LRRC49: variants seen among roughly 807,000 people sequenced by gnomAD.
LRRC49 encodes leucine rich repeat containing 49, also known as leucine-rich repeat-containing protein 49.
A neutral mutation model predicts 83.3 loss-of-function variants in LRRC49; 50 were observed. The observed-to-expected ratio is 0.60, with a 90% CI of 0.48 to 0.76. The LOEUF (loss-of-function observed/expected upper bound fraction) is 0.76, where lower values mean the gene tolerates loss of function less well. Among genes scored for constraint, LRRC49 ranks in the 30% least tolerant of loss-of-function variants. The pLI, the probability that LRRC49 is intolerant of heterozygous loss-of-function variation, is 0.00. For missense variants in LRRC49, 704 were observed against 809.1 expected, an observed-to-expected ratio of 0.87 and a Z score of 1.58; for synonymous variants, 286 against 283.3, an observed-to-expected ratio of 1.01 and a Z score of -0.10.
At chr15:70,861,227 G>A (rs1048851660) in intron 1 of LRRC49, among the ~76,000 whole-genome samples, 1 of 152,022 alleles carries the variant, frequency 6.6e-6, no homozygotes, top group Non-Finnish European at 1.5e-5. Flanking sequence ...GAAGTACCTA[G>A]TTCAGGGCCT....
intron 8 of LRRC49, among the ~76,000 whole-genome samples, chr15:70,937,791 CTCTT>C (rs2035652846): frequency 6.6e-6 from 1 of 152,112 alleles, no homozygotes; most frequent in African/African-American, 2.4e-5. Context: ...GAAGAAAATA[CTCTT>C]TCTCTTTTTT....
rs185061956 is a variant in LRRC49, at chr15:70,907,020, A to G, written c.500+2265A>G. On this transcript the variant is annotated intron_variant, in intron 5 of 15. Coordinates refer to ENST00000260382, the MANE Select transcript of LRRC49 (RefSeq NM_017691.5). ...TCAGTGAAATGCAAGTCTGAGCCCT[A>G]AAACAAATGCCAAGTGGCCTCCAGC... Among the ~76,000 whole-genome samples the G allele has an allele frequency of 1.3e-3, 193 of 152,360 alleles. 3 individuals carry two copies. Among genetic ancestry groups the G allele is most frequent in the Non-Finnish European group, 5.1e-4 (35 of 68,038 alleles).
intron 2 of LRRC49, chr15:70,882,208 C>T (rs958365639): frequency 1.4e-5 from 5 of 366,690 alleles, no homozygotes; most frequent in African/African-American, 1.0e-4. Flanking sequence ...TGCTTTGTAA[C>T]CTGATTTCTA....
At chr15:71,023,076 T>C (rs561123432) in intron 14 of LRRC49, among the ~76,000 whole-genome samples, 11 of 152,296 alleles carry the variant, frequency 7.2e-5, no homozygotes, top group Middle Eastern at 3.4e-3. Flanking sequence ...AATTTCATAA[T>C]AGAAATCTGA....
At chr15:70,984,449 T>C (rs1304072499) in intron 11 of LRRC49, 192 bp downstream of exon 11, 6 of 475,850 alleles carry the variant, frequency 1.3e-5, no homozygotes, top group Non-Finnish European at 3.6e-6. Context: ...ACATGCTTCA[T>C]AGGGCATTTC....
intron 1 of LRRC49, among the ~76,000 whole-genome samples, chr15:70,854,429 T>C (rs148641837): frequency 2.6e-3 from 393 of 151,954 alleles, no homozygotes; most frequent in Non-Finnish European, 4.5e-3. Flanking sequence ...CGAGAGGAGG[T>C]GTCAGGGCTC....
chr15:70,927,726 C>T (rs977219908), intron 7 of LRRC49, among the ~76,000 whole-genome samples: 6 of 152,136 alleles, frequency 3.9e-5, no homozygotes, highest in African/African-American at 7.2e-5. Flanking sequence ...TAGCACACTG[C>T]AGCCTTGACC....
At chr15:71,046,727 G>T (rs893462316) in intron 15 of LRRC49, among the ~76,000 whole-genome samples, 13 of 152,030 alleles carry the variant, frequency 8.6e-5, no homozygotes, top group Admixed American at 5.9e-4. Context: ...GTCTATTTTT[G>T]TTTTTGTTGC....
chr15:70,859,420 G>T (rs780355677), intron 1 of LRRC49: 3 of 745,870 alleles, frequency 4.0e-6, no homozygotes, highest in Non-Finnish European at 5.0e-6. Flanking sequence ...GGGAGCTGCA[G>T]TCCCACATCT....
At chr15:71,004,314 T>C (rs1482562265) in intron 11 of LRRC49, among the ~76,000 whole-genome samples, 1 of 152,138 alleles carries the variant, frequency 6.6e-6, no homozygotes, top group Non-Finnish European at 1.5e-5. Flanking sequence ...TAAAGACACA[T>C]GCACATGTAT....
chr15:70,972,094 T>G (rs1017490828), intron 9 of LRRC49, among the ~76,000 whole-genome samples: 1 of 152,206 alleles, frequency 6.6e-6, no homozygotes, highest in Admixed American at 6.5e-5. Flanking sequence ...GTCTTTACAC[T>G]TTGGTTTGTT....
chr15:71,035,981 C>T (rs1394715029), intron 14 of LRRC49, among the ~76,000 whole-genome samples: 11 of 152,214 alleles, frequency 7.2e-5, no homozygotes, highest in African/African-American at 2.6e-4. Flanking sequence ...AACTCCTATT[C>T]CTCCACATCC....
chr15:70,959,603 G>GGA (rs2036536673), intron 8 of LRRC49, among the ~76,000 whole-genome samples: 1 of 123,524 alleles, frequency 8.1e-6, no homozygotes. Flanking sequence ...GGAAGGAAGG[G>GGA]AGGGAAATTC....
At chr15:70,892,738 T>C, upstream of LRRC49, 1 of 1,520,694 alleles carries the variant, frequency 6.6e-7, no homozygotes, top group Non-Finnish European at 8.8e-7. Context: ...ACTGTGTGGC[T>C]CTATCGATTC....
intron 15 of LRRC49, among the ~76,000 whole-genome samples, chr15:71,044,089 A>C (rs542455856): frequency 1.3e-5 from 2 of 152,258 alleles, no homozygotes; most frequent in South Asian, 4.1e-4. Flanking sequence ...TCTTTGTAGG[A>C]GTTCCTATGT....
At chr15:71,001,980 C>T (rs1356696325) in intron 11 of LRRC49, among the ~76,000 whole-genome samples, 7 of 152,208 alleles carry the variant, frequency 4.6e-5, no homozygotes, top group South Asian at 4.1e-4. Context: ...CGTGAGCCAC[C>T]GTGCCCGGCT....
chr15:70,925,834 G>A (rs1410871348), intron 7 of LRRC49, among the ~76,000 whole-genome samples: 1 of 151,982 alleles, frequency 6.6e-6, no homozygotes, highest in Non-Finnish European at 1.5e-5. Flanking sequence ...GATAATTTAG[G>A]TACAATAAAA....
intron 14 of LRRC49, among the ~76,000 whole-genome samples, chr15:71,021,108 C>T (rs943565705): frequency 6.6e-5 from 10 of 152,162 alleles, no homozygotes; most frequent in Non-Finnish European, 1.3e-4. Context: ...TGTTGGGCCA[C>T]GTTCAAAGCC....
chr15:70,988,692 G>A (rs1183576902), intron 11 of LRRC49, among the ~76,000 whole-genome samples: 2 of 151,654 alleles, frequency 1.3e-5, no homozygotes, highest in South Asian at 2.1e-4. Context: ...ATGTTAGCTG[G>A]TTATTTTGCT....
Sources: allele counts gnomAD v4.1 joint callset (sites outside exome capture counted in the v4.1 genomes callset), GRCh38; gene constraint gnomAD v4.1.1; transcripts MANE v1.5; gene names NCBI Gene and HGNC (gene_info 2026-07-23, HGNC 2026-07-21).